The following STK32B variants were observed in gnomAD, a reference collection of about 807,000 sequenced individuals.
STK32B encodes the protein serine/threonine-protein kinase 32B.
A neutral mutation model predicts 52.6 loss-of-function variants in STK32B; 43 were observed. The observed-to-expected ratio is 0.82, with a 90% CI of 0.64 to 1.05. STK32B has a LOEUF of 1.05. Ranked by LOEUF, STK32B falls within the 50% of genes least tolerant of loss-of-function variation. STK32B has a pLI of 0.00. For missense variants in STK32B, 621 were observed against 534.6 expected (o/e 1.16, Z -1.59); for synonymous variants, 238 against 204.3 (o/e 1.17, Z -1.41).
intron 3 of STK32B, among the ~76,000 whole-genome samples, chr4:5,298,538 A>G (rs1422341601): frequency 6.6e-6 from 1 of 152,110 alleles, no homozygotes; most frequent in Non-Finnish European, 1.5e-5. Context: ...GCTGTGCTGC[A>G]GTGGGTTCCG....
At chr4:5,486,241 C>T (rs949329680) in intron 11 of STK32B, among the ~76,000 whole-genome samples, 4 of 152,284 alleles carry the variant, frequency 2.6e-5, no homozygotes, top group South Asian at 2.1e-4. Flanking sequence ...CCACCCAGTT[C>T]GAGCTTCCCA....
At chr4:5,197,593 A>G (rs1228283909) in intron 3 of STK32B, among the ~76,000 whole-genome samples, 1 of 152,252 alleles carries the variant, frequency 6.6e-6, no homozygotes, top group African/African-American at 2.4e-5. Context: ...GCCAGATTTC[A>G]TCACAAAGAA....
At chr4:5,416,782 G>A (rs1467424847) in intron 5 of STK32B, 63 bp from the exon 6 acceptor site, 2 of 1,471,798 alleles carry the variant, frequency 1.4e-6, no homozygotes, top group African/African-American at 2.8e-5. Context: ...GCAAACCACA[G>A]CTTTAAATAA....
rs538207867 is a variant in STK32B at position 5,389,452 on chromosome 4, T to C, written c.435-8755T>C. Among the ~76,000 whole-genome samples, 17 of 152,236 alleles carry C rather than the reference T, an allele frequency of 1.1e-4. No homozygotes were observed. In the South Asian group the frequency reaches 3.5e-3, roughly 32 times the overall value. ...ACTCCTTGGCTTGCAGATGGCTGCC[T>C]TCTTGCTGCTCTTCACAAGACCGTT... On this transcript the variant is annotated intron_variant, in intron 4 of 11. Coordinates refer to ENST00000282908, the MANE Select transcript of STK32B (RefSeq NM_018401.3).
chr4:5,299,461 T>C (rs1316754333), intron 3 of STK32B, among the ~76,000 whole-genome samples: 1 of 152,148 alleles, frequency 6.6e-6, no homozygotes, highest in African/African-American at 2.4e-5. Context: ...GTGAGACATG[T>C]CAAGTTTTAT....
chr4:5,461,472 A>G (rs1282238553), intron 9 of STK32B, among the ~76,000 whole-genome samples: 1 of 152,208 alleles, frequency 6.6e-6, no homozygotes, highest in Non-Finnish European at 1.5e-5. Context: ...CCAGGCTTCC[A>G]GACCTTTTTC....
Position 5,460,511 on chromosome 4 carries a change from G to GGCTGATCTACCCTTCT in STK32B, c.909+286_909+301dup, listed in dbSNP as rs1200943649. 5.9e-5 allele frequency among the ~76,000 whole-genome samples: 9 copies of GGCTGATCTACCCTTCT among 152,188 alleles called. No individual in the cohort carries two copies. The highest frequency in any genetic ancestry group is 1.9e-4 in the African/African-American group (8 of 41,432). ...CTCAGGTCCAGGTGTGGGGATAGCA[G>GGCTGATCTACCCTTCT]GCTGATCTACCCTTCTGCCTCCACA... On this transcript the variant is annotated intron_variant, in intron 9 of 11. Coordinates refer to ENST00000282908, the MANE Select transcript of STK32B (RefSeq NM_018401.3). This position sits in a 1 kb window ranked among gnomAD's most constrained non-coding sequence, Gnocchi z 4.8.
chr4:5,071,789 T>G (rs1227919678), intron 1 of STK32B, among the ~76,000 whole-genome samples: 1 of 152,250 alleles, frequency 6.6e-6, no homozygotes, highest in Non-Finnish European at 1.5e-5. Flanking sequence ...CTGATCTTTC[T>G]GAGGTATCAT....
intron 1 of STK32B, among the ~76,000 whole-genome samples, chr4:5,104,472 A>C (rs1271984349): frequency 6.6e-6 from 1 of 152,166 alleles, no homozygotes; most frequent in Non-Finnish European, 1.5e-5. Context: ...AAGGAATTTA[A>C]CTCTATTTCT....
At chr4:5,252,710 C>T (rs145081113) in intron 3 of STK32B, among the ~76,000 whole-genome samples, 7 of 152,296 alleles carry the variant, frequency 4.6e-5, no homozygotes, top group African/African-American at 1.4e-4. Flanking sequence ...CACCTGAACA[C>T]AAATCCCAGT....
rs1477913590 is a variant in STK32B at position 5,460,690 on chromosome 4, G to A, written c.909+462G>A. On this transcript the variant is annotated intron_variant, in intron 9 of 11. Coordinates refer to ENST00000282908, the MANE Select transcript of STK32B (RefSeq NM_018401.3). The surrounding 1 kb of genome is among the most constrained non-coding windows in gnomAD (Gnocchi z 4.8). The stretch of plus-strand genomic sequence containing the variant: ...GGGTCGGCAGAGACCTAGAGGTAAA[G>A]TGAGGGAACCAGGACTGCAGGGATG... Among the ~76,000 whole-genome samples, 2 of 152,236 alleles carry A rather than the reference G, an allele frequency of 1.3e-5. No homozygotes were observed. Among genetic ancestry groups the A allele is most frequent in the African/African-American group, 2.4e-5 (1 of 41,464 alleles).
At chr4:5,352,671 GATGAT>G (rs199703921) in intron 4 of STK32B, among the ~76,000 whole-genome samples, 1,613 of 150,508 alleles carry the variant, frequency 0.011, 26 homozygotes, top group East Asian at 0.074. Context: ...CCTCTTTGCT[GATGAT>G]ATGATATGAT....
At chr4:5,205,269 C>G (rs1328200833) in intron 3 of STK32B, among the ~76,000 whole-genome samples, 1 of 152,140 alleles carries the variant, frequency 6.6e-6, no homozygotes, top group Admixed American at 6.5e-5. Context: ...ACAACACTAG[C>G]TTTTCTGGTG....
intron 3 of STK32B, among the ~76,000 whole-genome samples, chr4:5,230,950 T>C (rs1724220227): frequency 6.6e-6 from 1 of 152,092 alleles, no homozygotes; most frequent in Non-Finnish European, 1.5e-5. Flanking sequence ...AACAGACAAT[T>C]TAGAGTCTAT....
chr4:5,445,966 G>A (rs1040685495), intron 6 of STK32B, among the ~76,000 whole-genome samples: 14 of 151,828 alleles, frequency 9.2e-5, no homozygotes, highest in African/African-American at 3.4e-4. Flanking sequence ...AGAGCTCTAA[G>A]TGTCCATTTC....
intron 11 of STK32B, among the ~76,000 whole-genome samples, chr4:5,496,057 T>C (rs374116999): frequency 3.9e-5 from 6 of 152,196 alleles, no homozygotes; most frequent in East Asian, 3.9e-4. Context: ...GCAGTCTGCC[T>C]GTTCTCAGAT....
At chr4:5,337,045 C>T (rs549231630) in intron 4 of STK32B, among the ~76,000 whole-genome samples, 2 of 152,124 alleles carry the variant, frequency 1.3e-5, no homozygotes, top group Non-Finnish European at 2.9e-5. Flanking sequence ...CTGGTACGAT[C>T]ATGGCTCACT....
At position 5,398,139 on chromosome 4, in the gene STK32B, G is replaced by C; in HGVS notation, c.435-68G>C. 1 of 1,582,990 alleles carries C rather than the reference G, an allele frequency of 6.3e-7. No individual in the cohort carries two copies. Among genetic ancestry groups the C allele is most frequent in the Non-Finnish European group, 8.6e-7 (1 of 1,157,238 alleles). On this transcript the variant is annotated intron_variant, in intron 4 of 11. Coordinates refer to ENST00000282908, the MANE Select transcript of STK32B (RefSeq NM_018401.3). The surrounding 1 kb of genome is among the most constrained non-coding windows in gnomAD (Gnocchi z 4.9). Reference sequence around the variant, plus strand: ...GTGTTCCAGCATTTGTCCTGATGTGGTGCTTGTCTATGTGCTCATCTGTGG... The same window carrying C: ...GTGTTCCAGCATTTGTCCTGATGTGCTGCTTGTCTATGTGCTCATCTGTGG...
chr4:5,120,626 A>G (rs1216598549), intron 1 of STK32B, among the ~76,000 whole-genome samples: 1 of 152,186 alleles, frequency 6.6e-6, no homozygotes, highest in Non-Finnish European at 1.5e-5. Context: ...TAAGGTGGAA[A>G]TACTGTACAA....
Sources: allele counts gnomAD v4.1 joint callset (sites outside exome capture counted in the v4.1 genomes callset), GRCh38; gene constraint gnomAD v4.1.1; non-coding constraint Gnocchi (gnomAD v3.1); transcripts MANE v1.5; gene names NCBI Gene and HGNC (gene_info 2026-07-23, HGNC 2026-07-21).